Variants in GLS observed in about 807,000 individuals in gnomAD.
GLS encodes the protein glutaminase.
Under a neutral mutation model 86.7 loss-of-function variants are expected in GLS, and 36 were observed. That is an observed-to-expected ratio of 0.42 (90% CI 0.32 to 0.55). The LOEUF (loss-of-function observed/expected upper bound fraction) is 0.55. Ranked by LOEUF, GLS falls within the 20% of genes least tolerant of loss-of-function variation. GLS has a pLI of 0.17. For synonymous variants in GLS, 317 were observed against 305.9 expected, an observed-to-expected ratio of 1.04 and a Z score of -0.38; for missense variants, 528 against 833.4, an observed-to-expected ratio of 0.63 and a Z score of 4.51.
chr2:190,963,941 G>A lies in GLS; in HGVS notation c.*955G>A, dbSNP rs1376884889. The A allele has an allele frequency of 6.6e-6, 1 of 151,892 alleles. No individual in the cohort carries two copies. Among genetic ancestry groups the A allele is most frequent in the Non-Finnish European group, 1.5e-5 (1 of 67,964 alleles). The allele number at this position is 151,892 out of a possible 1,614,324, so 9.4% of individuals were successfully genotyped here. A position where few individuals can be genotyped will look rare whatever the true frequency, so the allele number is the denominator to read the frequency against. On this transcript the variant is annotated 3_prime_UTR_variant, in exon 18 of 18. Transcript: ENST00000320717. ...AGCTTCTAGGGTAAAGATAAATTCA[G>A]AAATGCTCTAAGCTACCAAAGTTAT... is the stretch of plus-strand genomic sequence containing the variant.
At chr2:190,903,965 C>T (rs1689043266) in intron 5 of GLS, among the ~76,000 whole-genome samples, 1 of 152,122 alleles carries the variant, frequency 6.6e-6, no homozygotes, top group Admixed American at 6.6e-5. Flanking sequence ...CTTTGTGAAG[C>T]TTACATTATA....
At chr2:190,936,597 A>G (rs1049523998) in intron 14 of GLS, among the ~76,000 whole-genome samples, 2 of 151,052 alleles carry the variant, frequency 1.3e-5, no homozygotes, top group East Asian at 3.9e-4. Flanking sequence ...TTCTGTTACC[A>G]TTCCCATTCA....
At chr2:190,896,856 G>A (rs1002194924) in intron 3 of GLS, among the ~76,000 whole-genome samples, 15 of 152,148 alleles carry the variant, frequency 9.9e-5, no homozygotes, top group South Asian at 4.2e-4. Flanking sequence ...GTGTCTTTGC[G>A]GTAAGGATTA....
chr2:190,898,491 TTAGA>T (rs1438324542), intron 3 of GLS, among the ~76,000 whole-genome samples: 1 of 152,166 alleles, frequency 6.6e-6, no homozygotes, highest in Non-Finnish European at 1.5e-5. Flanking sequence ...CGGTATGCAG[TTAGA>T]TACTCTCCTG....
intron 1 of GLS, among the ~76,000 whole-genome samples, chr2:190,888,795 G>T (rs974211578): frequency 6.6e-6 from 1 of 152,084 alleles, no homozygotes; most frequent in Non-Finnish European, 1.5e-5. Context: ...TTTGTATCTT[G>T]TATCAGTTGA....
intron 14 of GLS, among the ~76,000 whole-genome samples, chr2:190,936,271 T>C (rs373763024): frequency 6.6e-6 from 1 of 151,170 alleles, no homozygotes; most frequent in East Asian, 1.9e-4. Flanking sequence ...TGGAAAGAAC[T>C]GCTGAAATAT....
intron 1 of GLS, among the ~76,000 whole-genome samples, chr2:190,894,521 A>G (rs1245958857): frequency 6.6e-6 from 1 of 152,162 alleles, no homozygotes; most frequent in Non-Finnish European, 1.5e-5. Flanking sequence ...GTATTGAGTC[A>G]ACTGATCCTC....
intron 14 of GLS, chr2:190,934,441 G>T: frequency 3.1e-6 from 3 of 957,360 alleles, no homozygotes; most frequent in Non-Finnish European, 3.7e-6. Flanking sequence ...ATTTTCCCAA[G>T]GATTTTATGC....
Position 190,949,440 on chromosome 2 carries a change from TC to T in GLS, c.1651-4122del, listed in dbSNP as rs1690660067. Reference sequence around the variant, plus strand: ...TGGGCACAGGGGCTCACACCTGTAATCCCTACACTTTGGGAGGCTGAGGCAG... The same window carrying T: ...TGGGCACAGGGGCTCACACCTGTAATCCTACACTTTGGGAGGCTGAGGCAG... On this transcript the variant is annotated intron_variant, in intron 14 of 17. Coordinates refer to ENST00000320717, the MANE Select transcript of GLS (RefSeq NM_014905.5). The surrounding 1 kb of genome is among the most constrained non-coding windows in gnomAD (Gnocchi z 4.0). 6.6e-6 allele frequency among the ~76,000 whole-genome samples: 1 copy of T among 152,146 alleles called. No individual in the cohort carries two copies. The highest frequency in any genetic ancestry group is 2.4e-5 in the African/African-American group (1 of 41,416).
In GLS at chr2:190,931,521, C is replaced by T. The variant is rs772226798; in HGVS notation, c.1558-24C>T. On this transcript the variant is annotated intron_variant, in intron 13 of 17. Transcript: ENST00000320717. ...ACCAATGAATAGCCAATTTCTTATA[C>T]CTGCTCTGTATAACTGTTTACAGGA... 1.6e-5 allele frequency: 17 copies of T among 1,085,304 alleles called. No homozygotes were observed. In the African/African-American group the frequency reaches 1.7e-4, roughly 11 times the overall value. The allele number at this position is 1,085,304 out of a possible 1,614,324, so 67.2% of individuals were successfully genotyped here.
At chr2:190,946,633 GAAGTA>G (rs67601101) in intron 14 of GLS, among the ~76,000 whole-genome samples, 50,123 of 151,562 alleles carry the variant, frequency 0.33, 10,534 homozygotes, top group Non-Finnish European at 0.47. Flanking sequence ...TTAAATAGTT[GAAGTA>G]AAGTGTAAAA....
At chr2:190,932,848 G>A (rs746056350) in intron 14 of GLS, 58 of 1,532,852 alleles carry the variant, frequency 3.8e-5, no homozygotes, top group Non-Finnish European at 4.6e-5. Flanking sequence ...GGAAAGTCTG[G>A]GAGAGAAAAG....
At chr2:190,944,723 T>C (rs941223371) in intron 14 of GLS, among the ~76,000 whole-genome samples, 1 of 152,178 alleles carries the variant, frequency 6.6e-6, no homozygotes, top group Non-Finnish European at 1.5e-5. Flanking sequence ...AGAAAAGAAG[T>C]TATTTATTTG....
Position 190,955,542 on chromosome 2 carries a change from GGTTA to G in GLS, c.1853+728_1853+731del, listed in dbSNP as rs908680214. Among the ~76,000 whole-genome samples the G allele has an allele frequency of 2.0e-5, 3 of 152,114 alleles. No individual in the cohort carries two copies. The highest frequency in any genetic ancestry group is 7.2e-5 in the African/African-American group (3 of 41,416). On this transcript the variant is annotated intron_variant, in intron 17 of 17. Coordinates refer to ENST00000320717, the MANE Select transcript of GLS (RefSeq NM_014905.5). This position sits in a 1 kb window ranked among gnomAD's most constrained non-coding sequence, Gnocchi z 5.6. ...CCAGTCTATTATCGATGGTCATTTG[GGTTA>G]GTTCCAAGTCTTTTCTATTGTGAAC...
At chr2:190,907,050 G>A (rs1362577256) in intron 6 of GLS, among the ~76,000 whole-genome samples, 2 of 148,852 alleles carry the variant, frequency 1.3e-5, no homozygotes, top group Admixed American at 6.7e-5. Flanking sequence ...CTGCCTCAGC[G>A]AGTAGCTGGG....
Position 190,892,919 on chromosome 2 carries a change from AT to A in GLS, c.387-2225del, listed in dbSNP as rs534648500. Among the ~76,000 whole-genome samples the A allele has an allele frequency of 3.6e-3, 544 of 151,856 alleles. 1 individual carries two copies. The highest frequency in any genetic ancestry group is 4.9e-3 in the Non-Finnish European group (331 of 67,892). On this transcript the variant is annotated intron_variant, in intron 1 of 17. Coordinates refer to ENST00000320717, the MANE Select transcript of GLS (RefSeq NM_014905.5). ...CTTTGGCAATAACGTGGTCATTTTA[AT>A]TTTTTTTCACTATGTGCCATAAGCT... is the stretch of plus-strand genomic sequence containing the variant.
At chr2:190,928,892 G>GTTTTTTTTTTTTTTTTTTTTT (rs367999647) in intron 12 of GLS, among the ~76,000 whole-genome samples, 4 of 12,818 alleles carry the variant, frequency 3.1e-4, no homozygotes, top group Non-Finnish European at 4.2e-4. Flanking sequence ...ATTCAGGTGT[G>GTTTTTTTTTTTTTTTTTTTTT]TTTTTTTTTT....
intron 1 of GLS, among the ~76,000 whole-genome samples, chr2:190,892,805 T>C: frequency 6.6e-6 from 1 of 152,172 alleles, no homozygotes; most frequent in Non-Finnish European, 1.5e-5. Context: ...TGTGAGCTTA[T>C]TTTTTAGGGC....
At chr2:190,932,928 G>T (rs1690154660) in intron 14 of GLS, 1 of 1,353,098 alleles carries the variant, frequency 7.4e-7, no homozygotes, top group Non-Finnish European at 9.6e-7. Context: ...GCTTTTTTTT[G>T]CAAGTTATAA....
Sources: allele counts gnomAD v4.1 joint callset (sites outside exome capture counted in the v4.1 genomes callset), GRCh38; gene constraint gnomAD v4.1.1; non-coding constraint Gnocchi (gnomAD v3.1); transcripts MANE v1.5; gene names NCBI Gene and HGNC (gene_info 2026-07-23, HGNC 2026-07-21).